Variants in JAZF1 observed in about 807,000 individuals in gnomAD.
JAZF1 encodes the protein juxtaposed with another zinc finger protein 1.
JAZF1 carries 8 observed loss-of-function variants against 26.4 expected under a neutral mutation model. The observed-to-expected ratio is 0.30, with a 90% CI of 0.18 to 0.55. The LOEUF is 0.55. JAZF1 is among the 20% of genes least tolerant of loss of function. The pLI is 0.94. For missense variants in JAZF1, 199 were observed against 322.0 expected (o/e 0.62, Z 2.92); for synonymous variants, 126 against 122.3 (o/e 1.03, Z -0.20).
intron 3 of JAZF1, among the ~76,000 whole-genome samples, chr7:27,893,199 A>G (rs1784001880): frequency 6.6e-6 from 1 of 152,248 alleles, no homozygotes; most frequent in South Asian, 2.1e-4. Flanking sequence ...AACTTTGTCT[A>G]ACTCATCATC....
chr7:28,074,797 T>C (rs1784026476), intron 1 of JAZF1, among the ~76,000 whole-genome samples: 1 of 152,184 alleles, frequency 6.6e-6, no homozygotes, highest in Non-Finnish European at 1.5e-5. Context: ...TTAACTGACA[T>C]TATTATACAC....
intron 2 of JAZF1, among the ~76,000 whole-genome samples, chr7:27,917,128 C>T (rs1342960561): frequency 6.6e-6 from 1 of 152,156 alleles, no homozygotes; most frequent in African/African-American, 2.4e-5. Flanking sequence ...TATGCATTCA[C>T]CCATGTATTA....
chr7:28,030,575 T>C (rs1404838350), intron 1 of JAZF1, among the ~76,000 whole-genome samples: 1 of 152,200 alleles, frequency 6.6e-6, no homozygotes, highest in African/African-American at 2.4e-5. Context: ...TGGAAGACAG[T>C]TGCAAAGATC....
chr7:27,854,169 T>A (rs1174477109), intron 3 of JAZF1, among the ~76,000 whole-genome samples: 14 of 152,250 alleles, frequency 9.2e-5, no homozygotes, highest in Non-Finnish European at 1.6e-4. Context: ...TAAAGTCTGT[T>A]TTACCAGAGA....
chr7:28,011,186 G>C (rs534081561), intron 1 of JAZF1, among the ~76,000 whole-genome samples: 7 of 152,238 alleles, frequency 4.6e-5, no homozygotes, highest in Admixed American at 3.9e-4. Flanking sequence ...GCAGCGTTTA[G>C]GAAAAAGGTC....
At chr7:28,087,208 C>T (rs1784225004) in intron 1 of JAZF1, among the ~76,000 whole-genome samples, 1 of 152,096 alleles carries the variant, frequency 6.6e-6, no homozygotes, top group African/African-American at 2.4e-5. Context: ...CAACACCATC[C>T]TTAAAAGGTG....
chr7:27,912,349 A>G (rs866589131), intron 2 of JAZF1, among the ~76,000 whole-genome samples: 1 of 152,154 alleles, frequency 6.6e-6, no homozygotes, highest in Non-Finnish European at 1.5e-5. Context: ...CCTTTTCCTT[A>G]TTGGAAGTGA....
At chr7:28,043,640 A>G (rs912494224) in intron 1 of JAZF1, among the ~76,000 whole-genome samples, 1 of 152,186 alleles carries the variant, frequency 6.6e-6, no homozygotes, top group African/African-American at 2.4e-5. Context: ...CTCTTAGGTA[A>G]ATACCCAAGA....
intron 1 of JAZF1, among the ~76,000 whole-genome samples, chr7:28,010,605 C>G (rs1782783886): frequency 6.6e-6 from 1 of 152,208 alleles, no homozygotes; most frequent in Non-Finnish European, 1.5e-5. Context: ...AAGTCACCTC[C>G]TCTACAAAAC....
intron 1 of JAZF1, among the ~76,000 whole-genome samples, chr7:28,097,338 G>C (rs1342463930): frequency 3.9e-5 from 6 of 152,012 alleles, no homozygotes; most frequent in Admixed American, 1.3e-4. Flanking sequence ...GAATGTTGCT[G>C]GAAAACATGC....
At chr7:28,002,417 T>C (rs745983599) in intron 1 of JAZF1, among the ~76,000 whole-genome samples, 1 of 152,216 alleles carries the variant, frequency 6.6e-6, no homozygotes, top group Non-Finnish European at 1.5e-5. Flanking sequence ...AATCGACCTC[T>C]TATTGGCACA....
intron 1 of JAZF1, among the ~76,000 whole-genome samples, chr7:28,049,247 TA>T (rs1783552133): frequency 6.6e-6 from 1 of 151,638 alleles, no homozygotes; most frequent in South Asian, 2.1e-4. Context: ...CACAGCTGGC[TA>T]ATTTTTTGTA....
At position 27,910,742 on chromosome 7, in the gene JAZF1, G is replaced by C. The variant is rs144112258; in HGVS notation, c.189-15326C>G. 5.8e-3 allele frequency among the ~76,000 whole-genome samples: 876 copies of C among 152,206 alleles called. 10 individuals carry two copies. The highest frequency in any genetic ancestry group is 0.02 in the African/African-American group (837 of 41,498). ...TATGCAGGAATGGTCCACAGCAGAG[G>C]GCTCCTTTTTGAGTGACTGAAGGTC... is the stretch of plus-strand genomic sequence containing the variant. On this transcript the variant is annotated intron_variant, in intron 2 of 4. Coordinates refer to ENST00000283928, the MANE Select transcript of JAZF1 (RefSeq NM_175061.4).
chr7:28,036,311 G>A (rs1166937813), intron 1 of JAZF1, among the ~76,000 whole-genome samples: 1 of 152,220 alleles, frequency 6.6e-6, no homozygotes, highest in African/African-American at 2.4e-5. Flanking sequence ...ACAAACTACT[G>A]ACATAGTAAC....
chr7:28,027,117 C>T (rs1383359162), intron 1 of JAZF1, among the ~76,000 whole-genome samples: 2 of 152,176 alleles, frequency 1.3e-5, no homozygotes, highest in Non-Finnish European at 2.9e-5. Flanking sequence ...GGGGTGAGGC[C>T]CCTTCTCCCA....
chr7:27,873,908 T>G (rs1377218081), intron 3 of JAZF1, among the ~76,000 whole-genome samples: 1 of 152,218 alleles, frequency 6.6e-6, no homozygotes, highest in Non-Finnish European at 1.5e-5. Context: ...CTGATGCAAT[T>G]ATTATATGGA....
At chr7:27,940,260 CCTAT>C (rs1784822008) in intron 2 of JAZF1, among the ~76,000 whole-genome samples, 1 of 150,678 alleles carries the variant, frequency 6.6e-6, no homozygotes, top group South Asian at 2.1e-4. Flanking sequence ...TTTCTGCTCT[CCTAT>C]CTTTCACAGG....
rs1355209461 is a variant in JAZF1 at position 27,898,310 on chromosome 7, GGTTTTT to G, written c.189-2900_189-2895del. 2.5e-4 allele frequency among the ~76,000 whole-genome samples: 4 copies of G among 16,084 alleles called. No individual in the cohort carries two copies. In the Admixed American group the frequency reaches 2.7e-3, roughly 11 times the overall value. The allele number at this position is 16,084 out of a possible 152,430, so 10.6% of individuals were successfully genotyped here. ...TCATATATATATATATATATACATC[GGTTTTT>G]TTTTTTTTTTTTTTGAGATGGAGTC... On this transcript the variant is annotated intron_variant, in intron 2 of 4. Coordinates refer to ENST00000283928, the MANE Select transcript of JAZF1 (RefSeq NM_175061.4).
chr7:28,092,484 T>C (rs1352882547), intron 1 of JAZF1, among the ~76,000 whole-genome samples: 1 of 140,566 alleles, frequency 7.1e-6, no homozygotes, highest in Non-Finnish European at 1.5e-5. Flanking sequence ...ATTAAAAGTA[T>C]ATAAAAAATT....
Sources: allele counts gnomAD v4.1 joint callset (sites outside exome capture counted in the v4.1 genomes callset), GRCh38; gene constraint gnomAD v4.1.1; transcripts MANE v1.5; gene names NCBI Gene and HGNC (gene_info 2026-07-23, HGNC 2026-07-21).